TENM3: variants seen among roughly 807,000 people sequenced by gnomAD.
The protein encoded by TENM3 is teneurin-3.
A neutral mutation model predicts 255.1 loss-of-function variants in TENM3; 63 were observed. The observed-to-expected ratio is 0.25, with a 90% CI of 0.20 to 0.30. The LOEUF (loss-of-function observed/expected upper bound fraction) is 0.30, where lower values mean the gene tolerates loss of function less well. Ranked by LOEUF, TENM3 falls within the 10% of genes least tolerant of loss-of-function variation. The pLI is 1.00. For synonymous variants in TENM3, 1,306 were observed against 1,322.3 expected (o/e 0.99, Z 0.27); for missense variants, 2,929 against 3,461.1 (o/e 0.85, Z 3.86).
chr4:181,605,562 GAAAGAAAGAGAGAGAAAGAAAGGAAA>G, the TENM3 span, among the ~76,000 whole-genome samples: 303 of 27,266 alleles, frequency 0.011, 46 homozygotes, highest in African/African-American at 0.02. Flanking sequence ...AAGAAAGAAA[GAAAGAAAGAGAGAGAAAGAAAGGAAA>G]GAAAGAAAGA....
the TENM3 span, among the ~76,000 whole-genome samples, chr4:181,490,869 C>T: frequency 6.6e-6 from 1 of 152,104 alleles, no homozygotes; most frequent in Non-Finnish European, 1.5e-5. Context: ...AATTTTCCAT[C>T]TGTCTTCAGA....
intron 1 of TENM3, among the ~76,000 whole-genome samples, chr4:182,301,016 CT>C (rs1250979294): frequency 6.6e-6 from 1 of 152,038 alleles, no homozygotes; most frequent in Non-Finnish European, 1.5e-5. Flanking sequence ...TAAAGCTCTC[CT>C]TTAAAAAGAA....
intron 1 of TENM3, among the ~76,000 whole-genome samples, chr4:182,243,946 C>CTTTTTTTTTTT (rs967487689): frequency 1.9e-4 from 14 of 72,914 alleles, no homozygotes; most frequent in East Asian, 8.1e-4. Flanking sequence ...TTTGTGTTTT[C>CTTTTTTTTTTT]TTTTTTTTTT....
At chr4:181,873,741 GGTGTGTGT>G in the TENM3 span, among the ~76,000 whole-genome samples, 9 of 148,742 alleles carry the variant, frequency 6.1e-5, no homozygotes, top group South Asian at 2.1e-4. Flanking sequence ...TCTTGAGTAT[GGTGTGTGT>G]GTGTGTGTGT....
the TENM3 span, among the ~76,000 whole-genome samples, chr4:181,743,246 G>T: frequency 6.6e-6 from 1 of 152,118 alleles, no homozygotes; most frequent in Non-Finnish European, 1.5e-5. Flanking sequence ...CTGAGGAATC[G>T]CCACACTGAC....
At chr4:182,180,129 AGTTTT>A (rs1752753732) in intron 1 of TENM3, among the ~76,000 whole-genome samples, 1 of 136,532 alleles carries the variant, frequency 7.3e-6, no homozygotes, top group South Asian at 2.2e-4. Flanking sequence ...AAAATCGAAG[AGTTTT>A]TTTTTTTTAA....
At chr4:181,810,478 G>T in the TENM3 span, among the ~76,000 whole-genome samples, 1 of 151,826 alleles carries the variant, frequency 6.6e-6, no homozygotes, top group Admixed American at 6.6e-5. Flanking sequence ...ATTTCTGCTT[G>T]GGGGGTAGTG....
At chr4:182,277,684 A>T (rs1169646140) in intron 1 of TENM3, among the ~76,000 whole-genome samples, 1 of 152,202 alleles carries the variant, frequency 6.6e-6, no homozygotes, top group African/African-American at 2.4e-5. Context: ...ACAAAATAGG[A>T]TAGAGTCCCA....
At chr4:181,644,940 G>A in the TENM3 span, among the ~76,000 whole-genome samples, 23 of 151,978 alleles carry the variant, frequency 1.5e-4, no homozygotes, top group Non-Finnish European at 3.4e-4. Flanking sequence ...AGGAGGAGAG[G>A]CTGGTAAGAC....
At chr4:181,839,888 T>C in the TENM3 span, among the ~76,000 whole-genome samples, 1 of 151,976 alleles carries the variant, frequency 6.6e-6, no homozygotes, top group African/African-American at 2.4e-5. Flanking sequence ...TGAATCTTTC[T>C]TGTATTTCAC....
At chr4:181,712,493 T>C in the TENM3 span, among the ~76,000 whole-genome samples, 7 of 152,188 alleles carry the variant, frequency 4.6e-5, no homozygotes, top group Non-Finnish European at 1.0e-4. Context: ...GCATAGCCGA[T>C]GCCAGTATCA....
chr4:182,641,776 T>C (rs1752338687), intron 5 of TENM3, among the ~76,000 whole-genome samples: 1 of 152,142 alleles, frequency 6.6e-6, no homozygotes, highest in African/African-American at 2.4e-5. Context: ...ATCCACCTGC[T>C]TCGGCCTCCC....
chr4:182,486,197 A>G (rs911565769), intron 3 of TENM3, among the ~76,000 whole-genome samples: 2 of 152,054 alleles, frequency 1.3e-5, no homozygotes, highest in African/African-American at 4.8e-5. Flanking sequence ...AGCCACTGGA[A>G]GATTTTTAAG....
Position 182,755,515 on chromosome 4 carries a change from C to T in TENM3, c.4892+256C>T, listed in dbSNP as rs150864847. 4.8e-3 allele frequency among the ~76,000 whole-genome samples: 726 copies of T among 151,990 alleles called. 2 individuals carry two copies. Among genetic ancestry groups the T allele is most frequent in the Middle Eastern group, 0.01 (3 of 294 alleles). On this transcript the variant is annotated intron_variant, in intron 22 of 27. Coordinates refer to ENST00000511685, the MANE Select transcript of TENM3 (RefSeq NM_001080477.4). ...TATGATTGTGCCACTGCACTCCAGGCTGAGTGACAGAGCCAGAACGTATCT... is the reference window on the plus strand; with the variant it reads ...TATGATTGTGCCACTGCACTCCAGGTTGAGTGACAGAGCCAGAACGTATCT...
the TENM3 span, among the ~76,000 whole-genome samples, chr4:181,970,159 C>A: frequency 6.6e-6 from 1 of 152,152 alleles, no homozygotes; most frequent in Non-Finnish European, 1.5e-5. Context: ...AGACATAATT[C>A]TAACTTTTAT....
At chr4:182,066,154 AC>A in the TENM3 span, among the ~76,000 whole-genome samples, 4 of 152,086 alleles carry the variant, frequency 2.6e-5, no homozygotes, top group Non-Finnish European at 5.9e-5. Context: ...CCACACCAAC[AC>A]TTTTTCCCCA....
chr4:182,455,468 G>A (rs74440991), intron 3 of TENM3, among the ~76,000 whole-genome samples: 255 of 150,802 alleles, frequency 1.7e-3, no homozygotes, highest in Middle Eastern at 6.8e-3. Context: ...TCCCACCTTC[G>A]CACCAGTATT....
intron 3 of TENM3, among the ~76,000 whole-genome samples, chr4:182,387,649 C>T (rs549306166): frequency 6.6e-6 from 1 of 152,104 alleles, no homozygotes; most frequent in South Asian, 2.1e-4. Context: ...AGGGAGTCCA[C>T]GAGCCCACCG....
chr4:181,740,603 A>AC, the TENM3 span, among the ~76,000 whole-genome samples: 1 of 152,162 alleles, frequency 6.6e-6, no homozygotes, highest in Non-Finnish European at 1.5e-5. Context: ...CAAAGGAAAA[A>AC]ATACCAAACA....
Sources: gnomAD v4.1 joint callset for allele counts (sites outside exome capture counted in the v4.1 genomes callset) on GRCh38, gnomAD v4.1.1 for gene constraint, MANE v1.5 for transcripts, NCBI Gene and HGNC (gene_info 2026-07-23, HGNC 2026-07-21) for gene names.